Variants in ROCK2 observed in about 807,000 individuals in gnomAD.
The protein encoded by ROCK2 is rho-associated protein kinase 2.
A neutral mutation model predicts 195.1 loss-of-function variants in ROCK2; 61 were observed. That is an observed-to-expected ratio of 0.31 (90% confidence interval 0.25 to 0.39). The LOEUF is 0.39. Among genes scored for constraint, ROCK2 ranks in the 10% least tolerant of loss-of-function variants. The pLI, the probability that ROCK2 is intolerant of heterozygous loss-of-function variation, is 1.00. For missense variants in ROCK2, 1,109 were observed against 1,637.4 expected (o/e 0.68, Z 5.57); for synonymous variants, 504 against 545.5 (o/e 0.92, Z 1.06).
intron 32 of ROCK2, 109 bp from the exon 33 acceptor site, chr2:11,183,549 G>T: frequency 2.7e-6 from 2 of 729,078 alleles, no homozygotes; most frequent in East Asian, 2.9e-5. Context: ...TAGTCTTCCA[G>T]CTACTATATT....
chr2:11,212,154 T>A (rs1664271786), intron 17 of ROCK2, among the ~76,000 whole-genome samples: 1 of 152,090 alleles, frequency 6.6e-6, no homozygotes, highest in African/African-American at 2.4e-5. Flanking sequence ...TGGGCTCAAG[T>A]GATCCTCCCG....
intron 30 of ROCK2, among the ~76,000 whole-genome samples, 190 bp downstream of exon 30, chr2:11,193,589 G>A (rs753272821): frequency 3.0e-4 from 45 of 152,114 alleles, no homozygotes; most frequent in Middle Eastern, 3.4e-3. Flanking sequence ...GAATGAAAAC[G>A]TTCCCAAACA....
At chr2:11,341,877 A>G (rs1261283902) in intron 1 of ROCK2, among the ~76,000 whole-genome samples, 1 of 152,098 alleles carries the variant, frequency 6.6e-6, no homozygotes, top group African/African-American at 2.4e-5. Flanking sequence ...TTACAGTTTC[A>G]GTTTGGAAAA....
chr2:11,291,849 G>A (rs1238815752), intron 1 of ROCK2, among the ~76,000 whole-genome samples: 5 of 152,162 alleles, frequency 3.3e-5, no homozygotes, highest in Non-Finnish European at 7.4e-5. Context: ...GTCCTGGGAT[G>A]CATCAATATT....
intron 3 of ROCK2, among the ~76,000 whole-genome samples, chr2:11,274,802 C>T (rs987706664): frequency 4.6e-5 from 7 of 152,186 alleles, no homozygotes; most frequent in Admixed American, 3.9e-4. Flanking sequence ...AAAGACATCA[C>T]GGTAGTCCCC....
Position 11,293,069 on chromosome 2 carries a change from T to C in ROCK2, c.142-5333A>G, listed in dbSNP as rs538843245. ...ACAGCCTAGGGAACTGTGAGTCAGT[T>C]AAACCTCTTTTCTTTATAAATTACC... On this transcript the variant is annotated intron_variant, in intron 1 of 32. Transcript: ENST00000315872. Among the ~76,000 whole-genome samples the C allele has an allele frequency of 4.8e-4, 73 of 152,348 alleles. 1 individual carries two copies. In the South Asian group the frequency reaches 0.011, roughly 23 times the overall value.
chr2:11,271,768 C>G (rs1005973585), intron 3 of ROCK2, among the ~76,000 whole-genome samples: 1 of 152,276 alleles, frequency 6.6e-6, no homozygotes, highest in Admixed American at 6.5e-5. Flanking sequence ...TGGCTCACGC[C>G]TGTAATCCCA....
At chr2:11,244,905 A>G (rs1476973230) in intron 4 of ROCK2, among the ~76,000 whole-genome samples, 1 of 152,144 alleles carries the variant, frequency 6.6e-6, no homozygotes, top group African/African-American at 2.4e-5. Context: ...TATTATGTCT[A>G]TTAGAGTAGT....
chr2:11,299,407 T>TA (rs1306651367), intron 1 of ROCK2, among the ~76,000 whole-genome samples: 1 of 152,126 alleles, frequency 6.6e-6, no homozygotes, highest in Non-Finnish European at 1.5e-5. Context: ...AGTACTTTTA[T>TA]AAAAAACCAA....
intron 17 of ROCK2, among the ~76,000 whole-genome samples, chr2:11,212,427 A>G (rs1664282493): frequency 6.6e-6 from 1 of 152,046 alleles, no homozygotes. Flanking sequence ...ATCAAATTCT[A>G]AAGACCCTTT....
intron 4 of ROCK2, 59 bp from the exon 5 acceptor site, chr2:11,236,021 G>A (rs1404082589): frequency 7.2e-6 from 10 of 1,379,754 alleles, no homozygotes; most frequent in South Asian, 5.9e-5. Context: ...ATCATAATCA[G>A]AACAAAAATT....
At chr2:11,278,377 T>G (rs1666896858) in intron 3 of ROCK2, among the ~76,000 whole-genome samples, 1 of 152,260 alleles carries the variant, frequency 6.6e-6, no homozygotes, top group African/African-American at 2.4e-5. Flanking sequence ...ATTATCTATG[T>G]TGTTCCAAAT....
chr2:11,268,276 A>G (rs1187616538), intron 3 of ROCK2, among the ~76,000 whole-genome samples: 2 of 152,110 alleles, frequency 1.3e-5, no homozygotes, highest in Admixed American at 6.5e-5. Context: ...AAAACTTTGA[A>G]AGGGACCCAG....
intron 1 of ROCK2, among the ~76,000 whole-genome samples, chr2:11,337,550 G>T (rs4497845): frequency 0.024 from 3,656 of 152,092 alleles, 174 homozygotes; most frequent in African/African-American, 0.084. Context: ...CAGTGTCGGG[G>T]AAGATGTGGA....
intron 1 of ROCK2, among the ~76,000 whole-genome samples, chr2:11,341,383 T>A (rs1349551807): frequency 6.6e-6 from 1 of 152,158 alleles, no homozygotes; most frequent in African/African-American, 2.4e-5. Flanking sequence ...AAAAGAAAAT[T>A]TAAAGCAGTT....
At chr2:11,311,186 T>A (rs2122384) in intron 1 of ROCK2, among the ~76,000 whole-genome samples, 2 of 151,836 alleles carry the variant, frequency 1.3e-5, no homozygotes, top group South Asian at 4.1e-4. Flanking sequence ...CTACCAATGA[T>A]AGACTAATTT....
intron 1 of ROCK2, among the ~76,000 whole-genome samples, chr2:11,343,549 G>A (rs1219917623): frequency 1.3e-5 from 2 of 152,196 alleles, no homozygotes; most frequent in African/African-American, 4.8e-5. Flanking sequence ...GAGAGTGAGG[G>A]CGGCTCTTTG....
At chr2:11,232,624 T>A (rs1205798083) in intron 5 of ROCK2, among the ~76,000 whole-genome samples, 2 of 152,202 alleles carry the variant, frequency 1.3e-5, no homozygotes, top group Non-Finnish European at 2.9e-5. Context: ...TAGTATTGCT[T>A]GAGGAATGGA....
chr2:11,265,277 A>T (rs1364562754), intron 3 of ROCK2, among the ~76,000 whole-genome samples: 1 of 152,204 alleles, frequency 6.6e-6, no homozygotes, highest in African/African-American at 2.4e-5. Context: ...ATCTTCAGAA[A>T]TGGGCAAGTT....
Sources: gnomAD v4.1 joint callset for allele counts (sites outside exome capture counted in the v4.1 genomes callset) on GRCh38, gnomAD v4.1.1 for gene constraint, MANE v1.5 for transcripts, NCBI Gene and HGNC (gene_info 2026-07-23, HGNC 2026-07-21) for gene names.